UGGT1: variants seen among roughly 807,000 people sequenced by gnomAD.
UGGT1 encodes UDP-glucose glycoprotein glucosyltransferase 1, also known as UDP-glucose:glycoprotein glucosyltransferase 1.
UGGT1 carries 107 observed loss-of-function variants against 203.9 expected under a neutral mutation model. The observed-to-expected ratio is 0.52, with a 90% CI of 0.45 to 0.62. The LOEUF (loss-of-function observed/expected upper bound fraction) is 0.62, where lower values mean the gene tolerates loss of function less well. Ranked by LOEUF, UGGT1 falls within the 20% of genes least tolerant of loss-of-function variation. The pLI, the probability that UGGT1 is intolerant of heterozygous loss-of-function variation, is 0.00. For synonymous variants in UGGT1, 628 were observed against 653.5 expected, an observed-to-expected ratio of 0.96 and a Z score of 0.59; for missense variants, 1,673 against 1,867.2, an observed-to-expected ratio of 0.90 and a Z score of 1.92.
chr2:128,188,021 CT>C (rs36115792), intron 40 of UGGT1, among the ~76,000 whole-genome samples: 47,830 of 124,198 alleles, frequency 0.39, 7,552 homozygotes, highest in South Asian at 0.52. Flanking sequence ...GTTGAAGAAA[CT>C]TTTTTTTTTT....
At chr2:128,109,059 T>G (rs1345574570) in intron 4 of UGGT1, among the ~76,000 whole-genome samples, 1 of 151,814 alleles carries the variant, frequency 6.6e-6, no homozygotes, top group Non-Finnish European at 1.5e-5. Context: ...ACCCAGCTAA[T>G]TTTTGTATTT....
At chr2:128,112,469 T>TATATA (rs1330377630) in intron 5 of UGGT1, among the ~76,000 whole-genome samples, 1 of 127,752 alleles carries the variant, frequency 7.8e-6, no homozygotes, top group African/African-American at 2.7e-5. Flanking sequence ...TATATATATA[T>TATATA]ATATTACATA....
intron 8 of UGGT1, among the ~76,000 whole-genome samples, chr2:128,117,787 G>A (rs777981262): frequency 6.6e-6 from 1 of 151,966 alleles, no homozygotes; most frequent in Non-Finnish European, 1.5e-5. Flanking sequence ...CTGACCTCCT[G>A]GTCCGCCCGC....
intron 35 of UGGT1, among the ~76,000 whole-genome samples, 168 bp from the exon 36 acceptor site, chr2:128,180,722 A>G (rs538889551): frequency 1.4e-4 from 22 of 152,336 alleles, no homozygotes; most frequent in African/African-American, 5.3e-4. Context: ...AAAGGTTTAT[A>G]TCTGTTCTTC....
At chr2:128,153,929 C>A (rs1311093023) in intron 19 of UGGT1, among the ~76,000 whole-genome samples, 1 of 152,108 alleles carries the variant, frequency 6.6e-6, no homozygotes, top group Non-Finnish European at 1.5e-5. Flanking sequence ...GAAGTCATAA[C>A]CAGCTATTTA....
At chr2:128,125,757 A>G (rs1434871601) in intron 11 of UGGT1, among the ~76,000 whole-genome samples, 1 of 152,156 alleles carries the variant, frequency 6.6e-6, no homozygotes, top group Non-Finnish European at 1.5e-5. Flanking sequence ...TCAAATGTTT[A>G]CTAAATTGAA....
chr2:128,117,987 TGTGTGTGAGAGAGA>T (rs1558764733), intron 8 of UGGT1, among the ~76,000 whole-genome samples: 30 of 71,272 alleles, frequency 4.2e-4, no homozygotes, highest in Admixed American at 1.5e-3. Context: ...TCTGTGTGTG[TGTGTGTGAGAGAGA>T]GAGAGAGAGA....
intron 38 of UGGT1, among the ~76,000 whole-genome samples, chr2:128,184,571 TG>T (rs1474067126): frequency 6.6e-6 from 1 of 152,226 alleles, no homozygotes; most frequent in Non-Finnish European, 1.5e-5. Context: ...TAATCATTTT[TG>T]TTTCTTTATA....
rs959383439 is a variant in UGGT1, at chr2:128,101,594, A to G, written c.195-2338A>G. 2.0e-5 allele frequency among the ~76,000 whole-genome samples: 3 copies of G among 152,366 alleles called. No homozygotes were observed. The East Asian group carries it at 5.8e-4, about 29-fold the overall frequency. On this transcript the variant is annotated intron_variant, in intron 2 of 40. Coordinates refer to ENST00000259253, the MANE Select transcript of UGGT1 (RefSeq NM_020120.4). The stretch of plus-strand genomic sequence containing the variant: ...CCCAAGAATGTAGCATGTTAGAGGT[A>G]TAAATTAAATAGACATGAATTTATA...
intron 2 of UGGT1, among the ~76,000 whole-genome samples, chr2:128,099,107 G>A (rs1326237656): frequency 6.6e-6 from 1 of 152,148 alleles, no homozygotes; most frequent in Non-Finnish European, 1.5e-5. Flanking sequence ...AATCAGCCTT[G>A]TGGTCTGTCT....
rs140905905 is a variant in UGGT1, at chr2:128,109,471, T to A, written c.409-163T>A. 1.6e-3 allele frequency among the ~76,000 whole-genome samples: 244 copies of A among 152,180 alleles called. 2 individuals are homozygous for A. The highest frequency in any genetic ancestry group is 5.5e-3 in the African/African-American group (230 of 41,528). On this transcript the variant is annotated intron_variant, in intron 4 of 40. Transcript: ENST00000259253. ...GCTTGGGCTTAAGTGATGCTCCCAC[T>A]CTGGTCTCCCAAAGTGCTGGGATTA...
At chr2:128,184,037 G>A (rs1691853380) in intron 38 of UGGT1, among the ~76,000 whole-genome samples, 1 of 151,996 alleles carries the variant, frequency 6.6e-6, no homozygotes. Flanking sequence ...GAGATGGAAG[G>A]AGAATGCTGC....
At chr2:128,127,321 A>G in intron 11 of UGGT1, 40 bp from the exon 12 acceptor site, 4 of 1,460,192 alleles carry the variant, frequency 2.7e-6, no homozygotes, top group Middle Eastern at 4.1e-4. Context: ...TTTTTAAAAC[A>G]TTCTCTCACA....
intron 1 of UGGT1, among the ~76,000 whole-genome samples, chr2:128,093,193 G>A (rs936604180): frequency 3.9e-5 from 6 of 151,942 alleles, no homozygotes; most frequent in South Asian, 2.1e-4. Flanking sequence ...CCAAGAACAC[G>A]TACTCTCTCT....
At chr2:128,135,229 G>T (rs997502610) in intron 15 of UGGT1, among the ~76,000 whole-genome samples, 1 of 152,214 alleles carries the variant, frequency 6.6e-6, no homozygotes, top group Non-Finnish European at 1.5e-5. Flanking sequence ...CAATGGAAGG[G>T]AATTTTCCTA....
rs1558833961 is a variant in UGGT1 at position 128,187,552 on chromosome 2, T to C, written c.4580T>C (p.Phe1527Ser). The change falls in exon 40 of 41, where the codon TTT (phenylalanine) becomes TCT (serine). Residue 1527 changes from phenylalanine to serine, a missense_variant. Transcript: ENST00000259253. The part of the protein sequence containing the change: ...DQEIKQLQIR[F>S]QKEKETGALY... ...GAGATCAAACAGCTACAGATCCGCT[T>C]TCAGAAGGAGAAAGAAACGGGAGCA... 3 of 1,614,114 alleles carry C rather than the reference T, an allele frequency of 1.9e-6. No individual in the cohort carries two copies. Among genetic ancestry groups the C allele is most frequent in the South Asian group, 1.1e-5 (1 of 91,078 alleles).
chr2:128,097,165 A>G (rs1314957656), intron 1 of UGGT1, among the ~76,000 whole-genome samples: 1 of 152,174 alleles, frequency 6.6e-6, no homozygotes, highest in African/African-American at 2.4e-5. Flanking sequence ...TCACGAGGTC[A>G]GGAGTTTGAG....
intron 2 of UGGT1, among the ~76,000 whole-genome samples, chr2:128,097,915 G>A (rs934257544): frequency 6.6e-6 from 1 of 152,218 alleles, no homozygotes; most frequent in African/African-American, 2.4e-5. Context: ...AGGCTGGAGT[G>A]CAGTGGTGAG....
In UGGT1 at chr2:128,094,736, C is replaced by CTTT. The variant is rs70988604; in HGVS notation, c.59-2665_59-2663dup. Among the ~76,000 whole-genome samples the CTTT allele has an allele frequency of 8.5e-4, 72 of 84,628 alleles. 1 individual carries two copies. The highest frequency in any genetic ancestry group is 1.3e-3 in the Non-Finnish European group (61 of 48,462). The allele number at this position is 84,628 out of a possible 152,430, so 55.5% of individuals were successfully genotyped here. On this transcript the variant is annotated intron_variant, in intron 1 of 40. Coordinates refer to ENST00000259253, the MANE Select transcript of UGGT1 (RefSeq NM_020120.4). Reference sequence around the variant, plus strand: ...GTCTATGGTTAGTCCTAAGAGAATGCTTTTTTTTTTTTTTTTTTTTTTTTT... The same window carrying CTTT: ...GTCTATGGTTAGTCCTAAGAGAATGCTTTTTTTTTTTTTTTTTTTTTTTTTTTT...
Sources: gnomAD v4.1 joint callset for allele counts (sites outside exome capture counted in the v4.1 genomes callset) on GRCh38, gnomAD v4.1.1 for gene constraint, MANE v1.5 for transcripts, NCBI Gene and HGNC (gene_info 2026-07-23, HGNC 2026-07-21) for gene names.